RPS29: variants seen among roughly 807,000 people sequenced by gnomAD.
The protein encoded by RPS29 is ribosomal protein S29.
For missense variants in RPS29, 60 were observed against 75.7 expected (o/e 0.79, Z 0.77); for synonymous variants, 37 against 26.9 (o/e 1.37, Z -1.16).
At chr14:49,595,967 C>A in intron 1 of RPS29, among the ~76,000 whole-genome samples, 1 of 132,364 alleles carries the variant, frequency 7.6e-6, no homozygotes, top group Admixed American at 8.2e-5. Context: ...GAGGCGAGAT[C>A]GTGCCACTGC....
At chr14:49,583,184 T>A (rs1566479789), downstream of RPS29, among the ~76,000 whole-genome samples, 1 of 152,208 alleles carries the variant, frequency 6.6e-6, no homozygotes, top group Non-Finnish European at 1.5e-5. Context: ...CTGGCTGGTA[T>A]GATTTTATGT....
exon 3 of RPS29, chr14:49,576,709 G>A (rs150924283): frequency 9.3e-5 from 14 of 151,228 alleles, no homozygotes; most frequent in Non-Finnish European, 1.5e-4. Flanking sequence ...AGAGGGACCC[G>A]GTGGGAGATA....
downstream of RPS29, among the ~76,000 whole-genome samples, chr14:49,578,828 G>C (rs1881259623): frequency 6.6e-6 from 1 of 151,962 alleles, no homozygotes; most frequent in South Asian, 2.1e-4. Flanking sequence ...TAAAGTGCTG[G>C]GATTACAGGC....
intron 1 of RPS29, among the ~76,000 whole-genome samples, chr14:49,591,563 C>T (rs528863828): frequency 6.6e-6 from 1 of 151,948 alleles, no homozygotes; most frequent in East Asian, 1.9e-4. Context: ...CCACCCGCCT[C>T]AGCCTCCCAA....
At chr14:49,583,486 C>T, downstream of RPS29, 2 of 575,246 alleles carry the variant, frequency 3.5e-6, no homozygotes, top group Non-Finnish European at 5.7e-6. Flanking sequence ...AGCCTGGCGA[C>T]AGAGGGGGAC....
chr14:49,577,514 AG>A, exon 3 of RPS29: 1 of 550,388 alleles, frequency 1.8e-6, no homozygotes, highest in Non-Finnish European at 3.3e-6. Context: ...ATCTCAACAC[AG>A]TAAGATTTGT....
At chr14:49,584,359 ACCT>A (rs1192280928) in intron 2 of RPS29, among the ~76,000 whole-genome samples, 4 of 152,180 alleles carry the variant, frequency 2.6e-5, no homozygotes, top group African/African-American at 7.2e-5. Context: ...AATTAGGCGA[ACCT>A]CCTCATTTTA....
At chr14:49,583,756 G>GA in intron 2 of RPS29, 81 bp from the exon 3 acceptor site, 1 of 857,358 alleles carries the variant, frequency 1.2e-6, no homozygotes, top group South Asian at 1.5e-5. Context: ...GCTCATTATA[G>GA]AATGTTATAG....
At chr14:49,571,558 C>T (rs1881055929) in exon 3 of RPS29, 1 of 152,176 alleles carries the variant, frequency 6.6e-6, no homozygotes, top group Non-Finnish European at 1.5e-5. Context: ...GATTACATAG[C>T]TGGTGCTTTG....
chr14:49,583,070 C>A (rs755430921), downstream of RPS29, among the ~76,000 whole-genome samples: 1 of 152,140 alleles, frequency 6.6e-6, no homozygotes, highest in Admixed American at 6.6e-5. Context: ...GTCTCCTGGG[C>A]TCAAGCAATC....
chr14:49,581,708 T>C (rs11157693), downstream of RPS29, among the ~76,000 whole-genome samples: 104,357 of 152,024 alleles, frequency 0.69, 36,966 homozygotes, highest in Non-Finnish European at 0.74. Context: ...TCCTATCTCC[T>C]GTATCGGTTC....
At chr14:49,575,680 T>C (rs1881161344) in exon 3 of RPS29, 2 of 152,010 alleles carry the variant, frequency 1.3e-5, no homozygotes, top group Non-Finnish European at 2.9e-5. Context: ...GACTTCCATC[T>C]CTACGAAAAA....
downstream of RPS29, among the ~76,000 whole-genome samples, chr14:49,581,992 T>TA (rs1881349020): frequency 8.5e-6 from 1 of 118,062 alleles, no homozygotes; most frequent in South Asian, 2.4e-4. Flanking sequence ...GCTTGGGTGA[T>TA]AGAGCAAGAC....
exon 3 of RPS29, chr14:49,574,943 C>A (rs1377824131): frequency 3.3e-5 from 5 of 152,298 alleles, no homozygotes; most frequent in Non-Finnish European, 7.3e-5. Context: ...GAACAGGGTC[C>A]ATTTGAGGTC....
At chr14:49,585,470 C>A (rs925708012) in intron 2 of RPS29, 1 of 186,594 alleles carries the variant, frequency 5.4e-6, no homozygotes, top group South Asian at 1.9e-4. Flanking sequence ...GTCCCAGCTA[C>A]TCGGGACGCC....
At chr14:49,585,639 A>G (rs1368577238) in intron 2 of RPS29, 4 of 440,780 alleles carry the variant, frequency 9.1e-6, no homozygotes, top group African/African-American at 4.0e-5. Context: ...AACAAATGTA[A>G]AACAATTTTA....
intron 1 of RPS29, among the ~76,000 whole-genome samples, chr14:49,593,160 G>C (rs1881752003): frequency 6.6e-6 from 1 of 152,128 alleles, no homozygotes; most frequent in African/African-American, 2.4e-5. Flanking sequence ...CTAGCACAAT[G>C]CATGCTTTCA....
intron 2 of RPS29, chr14:49,577,900 C>A: frequency 1.4e-6 from 2 of 1,402,712 alleles, no homozygotes; most frequent in East Asian, 4.9e-5. Flanking sequence ...AGCAATGATG[C>A]CCAACCAAAT....
chr14:49,571,367 T>C (rs1373468503), exon 3 of RPS29: 3 of 152,340 alleles, frequency 2.0e-5, no homozygotes, highest in Non-Finnish European at 2.9e-5. Context: ...TTCTGTTTTA[T>C]AGTAAAGAAT....
Sources: allele counts gnomAD v4.1 joint callset (sites outside exome capture counted in the v4.1 genomes callset), GRCh38; gene constraint gnomAD v4.1.1; transcripts MANE v1.5; gene names NCBI Gene and HGNC (gene_info 2026-07-23, HGNC 2026-07-21).